Variants in NR3C1 observed in about 807,000 individuals in gnomAD.
NR3C1 encodes glucocorticoid receptor.
NR3C1 carries 14 observed loss-of-function variants against 74.0 expected under a neutral mutation model. The observed-to-expected ratio is 0.19, with a 90% CI of 0.12 to 0.30. The LOEUF is 0.30. Among genes scored for constraint, NR3C1 ranks in the 10% least tolerant of loss-of-function variants. The probability of loss-of-function intolerance (pLI) is 1.00; values close to 1 mark genes in which losing one functional copy is unlikely to be tolerated. For missense variants in NR3C1, 695 were observed against 909.8 expected (o/e 0.76, Z 3.04); for synonymous variants, 308 against 332.5 (o/e 0.93, Z 0.80).
chr5:143,434,468 A>C, intron 1 of NR3C1: 4 of 896,754 alleles, frequency 4.5e-6, no homozygotes, highest in Non-Finnish European at 4.0e-6. Context: ...AGTGACCTTT[A>C]ACAAGTAACT....
chr5:143,348,860 A>G (rs1299806075), intron 2 of NR3C1, among the ~76,000 whole-genome samples: 1 of 152,210 alleles, frequency 6.6e-6, no homozygotes, highest in Admixed American at 6.5e-5. Flanking sequence ...ATAAATATAG[A>G]AAGAGAATAG....
intron 1 of NR3C1, among the ~76,000 whole-genome samples, chr5:143,425,042 A>G (rs1207810207): frequency 6.6e-6 from 1 of 152,214 alleles, no homozygotes; most frequent in Non-Finnish European, 1.5e-5. Context: ...TGGCATGAGG[A>G]TAGGCATTCA....
Position 143,298,790 on chromosome 5 carries a change from A to G in NR3C1, c.1770T>C (p.Asp590=). ...AIPGFRNLHL[D]DQMTLLQYSW... ...AGTACTGCAGTAGGGTCATTTGGTC[A>G]TCCAGGTGTAAGTTCCTGAAACCTG... is the stretch of plus-strand genomic sequence containing the variant. Residue 590 remains aspartate (D), a synonymous_variant, in exon 6 of 9, where the codon GAT becomes GAC. Coordinates refer to ENST00000394464, the MANE Select transcript of NR3C1 (RefSeq NM_000176.3). The G allele has an allele frequency of 6.2e-7, 1 of 1,613,726 alleles. No individual in the cohort carries two copies. The highest frequency in any genetic ancestry group is 8.5e-7 in the Non-Finnish European group (1 of 1,179,822).
Position 143,339,654 on chromosome 5 carries a change from T to C in NR3C1, c.1185-25486A>G, listed in dbSNP as rs151034762. 8.5e-5 allele frequency among the ~76,000 whole-genome samples: 13 copies of C among 152,346 alleles called. No homozygotes were observed. The East Asian group carries it at 2.3e-3, about 27-fold the overall frequency. On this transcript the variant is annotated intron_variant, in intron 2 of 8. Transcript: ENST00000394464. ...CTGCTCTGTTGTTTGTTCTGATCTCTGTCCTGAAGCTAGAAGCTCTCCCCT... is the reference window on the plus strand; with the variant it reads ...CTGCTCTGTTGTTTGTTCTGATCTCCGTCCTGAAGCTAGAAGCTCTCCCCT...
At chr5:143,402,342 T>C (rs1024182206) in intron 1 of NR3C1, among the ~76,000 whole-genome samples, 3 of 152,216 alleles carry the variant, frequency 2.0e-5, no homozygotes, top group Non-Finnish European at 4.4e-5. Context: ...GCCACATTAA[T>C]TGGCCCTAAT....
chr5:143,338,534 G>T (rs1473140975), intron 2 of NR3C1, among the ~76,000 whole-genome samples: 1 of 151,968 alleles, frequency 6.6e-6, no homozygotes, highest in Non-Finnish European at 1.5e-5. Flanking sequence ...GTTAATGTGT[G>T]TGTTTGTGTA....
At chr5:143,408,156 G>T (rs564439536), upstream of NR3C1, among the ~76,000 whole-genome samples, 3 of 152,232 alleles carry the variant, frequency 2.0e-5, no homozygotes, top group South Asian at 2.1e-4. Context: ...TCTTTAGTGT[G>T]TGTATAAACT....
chr5:143,399,509 T>TA, intron 2 of NR3C1, 147 bp downstream of exon 2: 1 of 692,136 alleles, frequency 1.4e-6, no homozygotes, highest in South Asian at 1.9e-5. Context: ...GTTGTCTACC[T>TA]TTCCTACTTT....
intron 2 of NR3C1, among the ~76,000 whole-genome samples, chr5:143,346,851 C>A (rs1174051378): frequency 6.6e-6 from 1 of 152,180 alleles, no homozygotes; most frequent in Non-Finnish European, 1.5e-5. Flanking sequence ...AAGAGAATCA[C>A]AAAATCAAAT....
At chr5:143,396,127 G>T (rs768784323) in intron 2 of NR3C1, among the ~76,000 whole-genome samples, 1 of 151,660 alleles carries the variant, frequency 6.6e-6, no homozygotes, top group African/African-American at 2.4e-5. Context: ...TAGAAACATC[G>T]TAAGTAATTT....
intron 2 of NR3C1, among the ~76,000 whole-genome samples, chr5:143,392,765 G>C (rs1184383090): frequency 6.6e-6 from 1 of 152,128 alleles, no homozygotes; most frequent in Non-Finnish European, 1.5e-5. Flanking sequence ...AAAATGAATA[G>C]AGAAGAATAC....
At chr5:143,326,339 TC>T (rs1182715326) in intron 2 of NR3C1, among the ~76,000 whole-genome samples, 5 of 152,216 alleles carry the variant, frequency 3.3e-5, no homozygotes, top group Non-Finnish European at 5.9e-5. Flanking sequence ...TTTCTATCTA[TC>T]CTGCCCCTTC....
chr5:143,405,219 G>A (rs1252453302), upstream of NR3C1: 1 of 985,604 alleles, frequency 1.0e-6, no homozygotes, highest in East Asian at 1.1e-4. Context: ...AGGGTTTGGG[G>A]AGGTAACTTT....
intron 4 of NR3C1, among the ~76,000 whole-genome samples, chr5:143,307,190 C>T (rs752157134): frequency 1.0e-3 from 159 of 152,240 alleles, no homozygotes; most frequent in Non-Finnish European, 2.0e-3. Flanking sequence ...GCCACCGCGC[C>T]CAACCGTATG....
At chr5:143,435,237 C>A in exon 1 of NR3C1, 1 of 985,488 alleles carries the variant, frequency 1.0e-6, no homozygotes, top group Non-Finnish European at 1.2e-6. Flanking sequence ...CCCACTCATG[C>A]CCCAGTGCTT....
At chr5:143,337,000 CAT>C (rs112582621) in intron 2 of NR3C1, among the ~76,000 whole-genome samples, 44 of 151,328 alleles carry the variant, frequency 2.9e-4, no homozygotes, top group South Asian at 1.3e-3. Flanking sequence ...CATACATATA[CAT>C]ATATATATAT....
At chr5:143,340,643 C>G (rs1828028083) in intron 2 of NR3C1, among the ~76,000 whole-genome samples, 3 of 151,726 alleles carry the variant, frequency 2.0e-5, no homozygotes, top group Admixed American at 2.0e-4. Flanking sequence ...CCACCACGCC[C>G]AGCTATTTTT....
rs1289158187 is a variant in NR3C1, at chr5:143,279,376, G to GTGAGA, written c.*2508_*2512dup. ...GTTGGGATGAAAATCAGATTAATGTGTGAGATGTGCTTTCTGGTTTTAACC... is the reference window on the plus strand; with the variant it reads ...GTTGGGATGAAAATCAGATTAATGTGTGAGATGAGATGTGCTTTCTGGTTTTAACC... On this transcript the variant is annotated 3_prime_UTR_variant, in exon 9 of 9. Transcript: ENST00000394464. 1.3e-6 allele frequency: 2 copies of GTGAGA among 1,551,220 alleles called. No individual in the cohort carries two copies. Among genetic ancestry groups the GTGAGA allele is most frequent in the African/African-American group, 2.7e-5 (2 of 73,034 alleles).
At chr5:143,304,791 G>A (rs1819231300) in intron 4 of NR3C1, among the ~76,000 whole-genome samples, 1 of 151,986 alleles carries the variant, frequency 6.6e-6, no homozygotes, top group South Asian at 2.1e-4. Flanking sequence ...ATAAAAATAA[G>A]CCATAGGGAA....
Sources: allele counts gnomAD v4.1 joint callset (sites outside exome capture counted in the v4.1 genomes callset), GRCh38; gene constraint gnomAD v4.1.1; transcripts MANE v1.5; gene names NCBI Gene and HGNC (gene_info 2026-07-23, HGNC 2026-07-21).